SLX9: variants seen among roughly 807,000 people sequenced by gnomAD.
The protein encoded by SLX9 is ribosome biogenesis protein SLX9 homolog.
In SLX9, 19 loss-of-function variants were observed where a neutral mutation model predicts 20.8. The observed-to-expected ratio is 0.91, with a 90% CI of 0.64 to 1.34. The LOEUF (loss-of-function observed/expected upper bound fraction) is 1.34, where lower values mean the gene tolerates loss of function less well. SLX9 is among the 40% of genes most tolerant of loss of function. The pLI is 0.00. For missense variants in SLX9, 299 were observed against 322.2 expected, an observed-to-expected ratio of 0.93 and a Z score of 0.55; for synonymous variants, 113 against 137.1, an observed-to-expected ratio of 0.82 and a Z score of 1.23.
chr21:44,951,922 C>T (rs1034402716), intron 2 of SLX9, among the ~76,000 whole-genome samples: 4 of 131,686 alleles, frequency 3.0e-5, no homozygotes, highest in African/African-American at 4.4e-5. Flanking sequence ...CTGGCCCAGG[C>T]GGGTGTGGGC....
At chr21:44,975,509 C>T (rs1181247718) in intron 5 of SLX9, among the ~76,000 whole-genome samples, 1 of 152,226 alleles carries the variant, frequency 6.6e-6, no homozygotes, top group Non-Finnish European at 1.5e-5. Flanking sequence ...CGTGCAGCTT[C>T]GCTTCCAAGC....
chr21:44,959,887 G>C (rs2084923659), intron 2 of SLX9, among the ~76,000 whole-genome samples: 1 of 152,216 alleles, frequency 6.6e-6, no homozygotes, highest in Admixed American at 6.5e-5. Context: ...ACTGCGGGGG[G>C]ACGCTGCTGA....
intron 1 of SLX9, 26 bp from the exon 2 acceptor site, chr21:44,943,658 T>C (rs1360064162): frequency 1.9e-6 from 3 of 1,610,630 alleles, no homozygotes; most frequent in Admixed American, 1.7e-5. Flanking sequence ...CCTCTTCTTT[T>C]CGTCCGTTTT....
intron 3 of SLX9, among the ~76,000 whole-genome samples, chr21:44,963,216 G>A (rs983497663): frequency 6.6e-6 from 1 of 151,882 alleles, no homozygotes; most frequent in Non-Finnish European, 1.5e-5. Context: ...AGCCTTCTGA[G>A]TAGCCGGGAC....
Position 44,961,588 on chromosome 21 carries a change from A to T in SLX9, c.352+1420A>T, listed in dbSNP as rs1229457284. Among the ~76,000 whole-genome samples, 3 of 152,192 alleles carry T rather than the reference A, an allele frequency of 2.0e-5. No homozygotes were observed. The South Asian group carries it at 6.2e-4, about 31-fold the overall frequency. ...GGTGACAGAGTGGGTCCTTGTCTCT[A>T]AATAATGTTAATGATCAAATTTAGT... On this transcript the variant is annotated intron_variant, in intron 3 of 5. Coordinates refer to ENST00000291634, the MANE Select transcript of SLX9 (RefSeq NM_058190.4).
intron 1 of SLX9, 68 bp downstream of exon 1, chr21:44,940,254 G>A: frequency 8.4e-7 from 1 of 1,196,402 alleles, no homozygotes; most frequent in Non-Finnish European, 1.0e-6. Context: ...GCGGGGCGCC[G>A]CCTCCGGGAG....
In SLX9 at chr21:44,963,759, T is replaced by C. The variant is rs572936761; in HGVS notation, c.353-3275T>C. Among the ~76,000 whole-genome samples the C allele has an allele frequency of 3.3e-5, 5 of 151,998 alleles. No individual in the cohort carries two copies. In the East Asian group the frequency reaches 7.7e-4, roughly 24 times the overall value. On this transcript the variant is annotated intron_variant, in intron 3 of 5. Coordinates refer to ENST00000291634, the MANE Select transcript of SLX9 (RefSeq NM_058190.4). ...TGTTTCTAGGCTGTCTTCTGTTCCA[T>C]TGATCTATTTGTTGTACCTTAGCAA...
At chr21:44,959,980 G>T in intron 2 of SLX9, 120 bp from the exon 3 acceptor site, 1 of 861,812 alleles carries the variant, frequency 1.2e-6, no homozygotes, top group Admixed American at 1.9e-5. Flanking sequence ...GGCTGGCACA[G>T]GCCAGACCAG....
chr21:44,941,335 C>G (rs1601364608), intron 1 of SLX9, among the ~76,000 whole-genome samples: 1 of 151,614 alleles, frequency 6.6e-6, no homozygotes, highest in Non-Finnish European at 1.5e-5. Context: ...TTGGATAGTC[C>G]TGTAGCAACC....
At chr21:44,959,211 G>C in intron 2 of SLX9, 1 of 985,430 alleles carries the variant, frequency 1.0e-6, no homozygotes, top group Non-Finnish European at 1.2e-6. Flanking sequence ...CTTCTGCTTT[G>C]TTTTTCATTA....
intron 2 of SLX9, among the ~76,000 whole-genome samples, chr21:44,954,759 G>T (rs1399142773): frequency 6.6e-6 from 1 of 152,216 alleles, no homozygotes; most frequent in Admixed American, 6.5e-5. Context: ...CACAAACCTC[G>T]GCGGGGGGTG....
chr21:44,962,148 TTC>T (rs1601406096), intron 3 of SLX9, among the ~76,000 whole-genome samples: 1 of 152,172 alleles, frequency 6.6e-6, no homozygotes, highest in Non-Finnish European at 1.5e-5. Context: ...GAGTTCATGG[TTC>T]TTTTTTTTTC....
chr21:44,966,778 G>A (rs2085043913), intron 3 of SLX9, among the ~76,000 whole-genome samples: 1 of 152,246 alleles, frequency 6.6e-6, no homozygotes, highest in Non-Finnish European at 1.5e-5. Context: ...CCCTTTGCAG[G>A]AGAAATCCTC....
At chr21:44,956,886 G>T (rs372935268) in intron 2 of SLX9, among the ~76,000 whole-genome samples, 4 of 152,208 alleles carry the variant, frequency 2.6e-5, no homozygotes, top group Non-Finnish European at 2.9e-5. Context: ...CTGGTTTACC[G>T]CGTCTGTTCC....
At chr21:44,943,878 G>T in intron 2 of SLX9, 41 bp downstream of exon 2, 2 of 1,612,406 alleles carry the variant, frequency 1.2e-6, no homozygotes, top group Non-Finnish European at 1.7e-6. Flanking sequence ...ATACCCAGCA[G>T]GTCTGGGATT....
At chr21:44,957,496 C>T (rs2084879835) in intron 2 of SLX9, among the ~76,000 whole-genome samples, 1 of 152,272 alleles carries the variant, frequency 6.6e-6, no homozygotes, top group African/African-American at 2.4e-5. Flanking sequence ...CTGTGCCTTG[C>T]AGTCCAGCTC....
At chr21:44,972,967 A>C (rs1361219475) in intron 4 of SLX9, 1 of 604,474 alleles carries the variant, frequency 1.7e-6, no homozygotes, top group Non-Finnish European at 2.9e-6. Context: ...ACGGTCAGGC[A>C]GTTGCACTGC....
intron 3 of SLX9, among the ~76,000 whole-genome samples, chr21:44,960,683 C>G (rs1339836291): frequency 6.6e-6 from 1 of 152,226 alleles, no homozygotes; most frequent in Non-Finnish European, 1.5e-5. Flanking sequence ...CCCCTGGTGT[C>G]CCCAGACCCT....
chr21:44,953,288 T>G (rs2084792519), intron 2 of SLX9, among the ~76,000 whole-genome samples: 4 of 152,184 alleles, frequency 2.6e-5, no homozygotes, highest in Admixed American at 2.6e-4. Flanking sequence ...TGATGTGTGC[T>G]TGTCTGAGGT....
Sources: allele counts gnomAD v4.1 joint callset (sites outside exome capture counted in the v4.1 genomes callset), GRCh38; gene constraint gnomAD v4.1.1; transcripts MANE v1.5; gene names NCBI Gene and HGNC (gene_info 2026-07-23, HGNC 2026-07-21).